The following SLC4A7 variants were observed in gnomAD, a reference collection of about 807,000 sequenced individuals.
The protein encoded by SLC4A7 is solute carrier family 4 member 7.
Under a neutral mutation model 137.6 loss-of-function variants are expected in SLC4A7, and 51 were observed. The ratio of observed to expected loss-of-function variants is 0.37; its 90% CI spans 0.30 to 0.47. The LOEUF (loss-of-function observed/expected upper bound fraction) is 0.47, where lower values mean the gene tolerates loss of function less well. Ranked by LOEUF, SLC4A7 falls within the 20% of genes least tolerant of loss-of-function variation. The pLI, the probability that SLC4A7 is intolerant of heterozygous loss-of-function variation, is 1.00. For synonymous variants in SLC4A7, 542 were observed against 518.6 expected (o/e 1.05, Z -0.61); for missense variants, 1,247 against 1,525.4 (o/e 0.82, Z 3.04).
At chr3:27,472,888 T>C (rs139265724) in intron 1 of SLC4A7, among the ~76,000 whole-genome samples, 129 of 152,310 alleles carry the variant, frequency 8.5e-4, no homozygotes, top group African/African-American at 2.6e-3. Context: ...GAGACCAGCC[T>C]GGCCAACACG....
In SLC4A7 at chr3:27,390,027, G is replaced by A. The variant is rs957638284; in HGVS notation, c.3264C>T (p.Leu1088=). The stretch of plus-strand genomic sequence containing the variant: ...TGACTGTGAAAATATGGACCTTCCA[G>A]AGCGGCACATAACGGAGGTATATCA... ...PDLIYLRYVP[L]WKVHIFTVIQ... The change falls in exon 22 of 26, where the codon CTC becomes CTT. Residue 1088 remains leucine (L), a synonymous_variant. Coordinates refer to ENST00000454389, the MANE Select transcript of SLC4A7 (RefSeq NM_001321103.2). 2.5e-6 allele frequency: 4 copies of A among 1,613,014 alleles called. No homozygotes were observed. Among genetic ancestry groups the A allele is most frequent in the Non-Finnish European group, 3.4e-6 (4 of 1,179,048 alleles).
intron 11 of SLC4A7, among the ~76,000 whole-genome samples, chr3:27,415,514 A>G (rs2054298551): frequency 6.6e-6 from 1 of 152,170 alleles, no homozygotes. Context: ...TGTCTTCTGT[A>G]GCATTATTTC....
At chr3:27,433,052 A>C (rs1379570016) in intron 6 of SLC4A7, 1 of 152,220 alleles carries the variant, frequency 6.6e-6, no homozygotes, top group African/African-American at 2.4e-5. Context: ...ATTATTTTCA[A>C]CTTTAGAAAA....
intron 1 of SLC4A7, chr3:27,456,935 T>A (rs2058445753): frequency 1.0e-6 from 1 of 984,940 alleles, no homozygotes; most frequent in South Asian, 4.7e-5. Context: ...TAAGTAAAAA[T>A]ACCAAGAGGA....
At chr3:27,377,840 C>A (rs2050046970) in intron 25 of SLC4A7, among the ~76,000 whole-genome samples, 1 of 152,170 alleles carries the variant, frequency 6.6e-6, no homozygotes, top group Non-Finnish European at 1.5e-5. Context: ...CTTCTCCAGA[C>A]AAACTGAAGA....
At chr3:27,434,475 T>C (rs1165672449) in intron 5 of SLC4A7, among the ~76,000 whole-genome samples, 1 of 152,152 alleles carries the variant, frequency 6.6e-6, no homozygotes, top group African/African-American at 2.4e-5. Flanking sequence ...CCCAAAACTG[T>C]TCCAGCAGAT....
At chr3:27,448,946 G>A (rs2057871622) in intron 2 of SLC4A7, 149 bp from the exon 3 acceptor site, 2 of 493,866 alleles carry the variant, frequency 4.0e-6, no homozygotes, top group Non-Finnish European at 6.9e-6. Flanking sequence ...ATTTTATAAA[G>A]CACTACACAG....
chr3:27,440,810 C>G (rs1284880384), intron 3 of SLC4A7, among the ~76,000 whole-genome samples: 1 of 151,934 alleles, frequency 6.6e-6, no homozygotes, highest in African/African-American at 2.4e-5. Flanking sequence ...TTTGGGAGGC[C>G]AAGGTGGGTG....
At chr3:27,458,624 T>A (rs553829130) in intron 1 of SLC4A7, among the ~76,000 whole-genome samples, 1 of 152,188 alleles carries the variant, frequency 6.6e-6, no homozygotes, top group Non-Finnish European at 1.5e-5. Flanking sequence ...GAATAAGACA[T>A]ATGTCAGTCA....
At position 27,446,894 on chromosome 3, in the gene SLC4A7, G is replaced by GT. The variant is rs1343210509; in HGVS notation, c.289+1756dup. On this transcript the variant is annotated intron_variant, in intron 3 of 25. Coordinates refer to ENST00000454389, the MANE Select transcript of SLC4A7 (RefSeq NM_001321103.2). Reference sequence around the variant, plus strand: ...TTTTTTGTTTTTTTTTGTTTTTTTTGTTTTTTTTAAACAGAGTCTCGCTCT... The same window carrying GT: ...TTTTTTGTTTTTTTTTGTTTTTTTTGTTTTTTTTTAAACAGAGTCTCGCTCT... Among the ~76,000 whole-genome samples the GT allele has an allele frequency of 2.8e-4, 12 of 43,464 alleles. 1 individual carries two copies. Among genetic ancestry groups the GT allele is most frequent in the Middle Eastern group, 8.3e-3 (1 of 120 alleles). The allele number at this position is 43,464 out of a possible 152,430, so 28.5% of individuals were successfully genotyped here.
At chr3:27,448,837 A>G (rs2057864671) in intron 2 of SLC4A7, 40 bp from the exon 3 acceptor site, 1 of 1,493,076 alleles carries the variant, frequency 6.7e-7, no homozygotes, top group Non-Finnish European at 9.1e-7. Flanking sequence ...GCTTTCCAAA[A>G]GAGAAAAAAG....
intron 3 of SLC4A7, among the ~76,000 whole-genome samples, chr3:27,446,424 G>T (rs752557976): frequency 1.3e-5 from 2 of 152,068 alleles, no homozygotes; most frequent in South Asian, 4.1e-4. Context: ...TCTAGGAATA[G>T]TTATTCCTTT....
intron 1 of SLC4A7, among the ~76,000 whole-genome samples, chr3:27,457,339 G>A (rs2058465440): frequency 6.6e-6 from 1 of 152,088 alleles, no homozygotes; most frequent in South Asian, 2.1e-4. Flanking sequence ...GAATACCTCT[G>A]TTTTACATTT....
At chr3:27,423,036 C>T (rs1033152788) in intron 8 of SLC4A7, among the ~76,000 whole-genome samples, 3 of 152,158 alleles carry the variant, frequency 2.0e-5, no homozygotes, top group African/African-American at 7.2e-5. Flanking sequence ...TCTGAAATAA[C>T]ATGAGCACCA....
chr3:27,388,821 A>C (rs2051238018), intron 22 of SLC4A7, among the ~76,000 whole-genome samples: 1 of 147,076 alleles, frequency 6.8e-6, no homozygotes, highest in Non-Finnish European at 1.6e-5. Flanking sequence ...TATTTTTTAA[A>C]TTTCATCAAT....
intron 22 of SLC4A7, 56 bp from the exon 23 acceptor site, chr3:27,386,079 T>A: frequency 7.4e-7 from 1 of 1,347,462 alleles, no homozygotes; most frequent in Non-Finnish European, 1.0e-6. Flanking sequence ...CTGTATCACT[T>A]AAAGAGGAAA....
Position 27,409,275 on chromosome 3 carries a change from G to T in SLC4A7, c.1941+81C>A, listed in dbSNP as rs113508529. 3.9e-5 allele frequency: 43 copies of T among 1,111,648 alleles called. No homozygotes were observed. The African/African-American group carries it at 6.1e-4, about 16-fold the overall frequency. 68.9% of individuals were successfully genotyped at this position (1,111,648 alleles called of 1,614,324 possible). On this transcript the variant is annotated intron_variant, in intron 13 of 25. Coordinates refer to ENST00000454389, the MANE Select transcript of SLC4A7 (RefSeq NM_001321103.2). ...CTGTGGGTAGACTCTTCAAATAAAA[G>T]TATGAATAGTGAGACAAATGCATAC...
At chr3:27,428,099 T>C (rs2055846380) in intron 7 of SLC4A7, among the ~76,000 whole-genome samples, 2 of 152,246 alleles carry the variant, frequency 1.3e-5, no homozygotes, top group South Asian at 4.1e-4. Flanking sequence ...GGAAAAATAG[T>C]AAATCTTGTT....
chr3:27,425,246 T>C (rs1026341410), intron 7 of SLC4A7, among the ~76,000 whole-genome samples: 1 of 151,722 alleles, frequency 6.6e-6, no homozygotes, highest in African/African-American at 2.4e-5. Flanking sequence ...GGCGTGTGCC[T>C]GTAGTCCCAG....
Sources: allele counts gnomAD v4.1 joint callset (sites outside exome capture counted in the v4.1 genomes callset), GRCh38; gene constraint gnomAD v4.1.1; transcripts MANE v1.5; gene names NCBI Gene and HGNC (gene_info 2026-07-23, HGNC 2026-07-21).